The following GPR158 variants were observed in gnomAD, a reference collection of about 807,000 sequenced individuals.
GPR158 encodes the protein metabotropic glycine receptor.
In GPR158, 30 loss-of-function variants were observed where a neutral mutation model predicts 78.2. The ratio of observed to expected loss-of-function variants is 0.38; its 90% CI spans 0.29 to 0.52. The LOEUF (loss-of-function observed/expected upper bound fraction) is 0.52. GPR158 is among the 20% of genes least tolerant of loss of function. The pLI, the probability that GPR158 is intolerant of heterozygous loss-of-function variation, is 0.83. For synonymous variants in GPR158, 581 were observed against 591.1 expected (o/e 0.98, Z 0.25); for missense variants, 1,463 against 1,523.5 (o/e 0.96, Z 0.66).
At chr10:25,199,642 T>A (rs1852893152) in intron 1 of GPR158, among the ~76,000 whole-genome samples, 1 of 150,222 alleles carries the variant, frequency 6.7e-6, no homozygotes, top group African/African-American at 2.5e-5. Context: ...TAAGTTCTCA[T>A]GAGATCTGAT....
rs1554793351 is a variant in GPR158, at chr10:25,317,716, G to GTTTTGTTTTTTTT, written c.1009-78191_1009-78190insGTTTTTTTTTTTT. Reference sequence around the variant, plus strand: ...TTAAATTCTGTTTTCTTCGTAAAGTGTTTTTTTTTGTTTTGTTTTGTTTTG... The same window carrying GTTTTGTTTTTTTT: ...TTAAATTCTGTTTTCTTCGTAAAGTGTTTTGTTTTTTTTTTTTTTTTTGTTTTGTTTTGTTTTG... On this transcript the variant is annotated intron_variant, in intron 2 of 10. Coordinates refer to ENST00000376351, the MANE Select transcript of GPR158 (RefSeq NM_020752.3). 6.0e-4 allele frequency among the ~76,000 whole-genome samples: 80 copies of GTTTTGTTTTTTTT among 134,050 alleles called. 5 individuals carry two copies. The highest frequency in any genetic ancestry group is 1.8e-3 in the African/African-American group (55 of 31,226). 87.9% of individuals were successfully genotyped at this position (134,050 alleles called of 152,430 possible). A position where few individuals can be genotyped will look rare whatever the true frequency, so the allele number is the denominator to read the frequency against.
chr10:25,592,410 T>C (rs1837353386), intron 8 of GPR158, among the ~76,000 whole-genome samples: 1 of 151,976 alleles, frequency 6.6e-6, no homozygotes, highest in South Asian at 2.1e-4. Context: ...GCACAAGACT[T>C]TTAAGTGTGT....
chr10:25,283,399 A>G (rs187056900), intron 2 of GPR158, among the ~76,000 whole-genome samples: 29 of 152,162 alleles, frequency 1.9e-4, no homozygotes, highest in African/African-American at 6.7e-4. Context: ...CACACTAGAA[A>G]TTTATTAAAC....
Position 25,241,368 on chromosome 10 carries a change from TTTTC to T in GPR158, c.1008+20213_1008+20216del, listed in dbSNP as rs1435925554. ...CTTTTCTCTTTTCTTTTCTCTTTTC[TTTTC>T]TCTCTTCTCTTCTCTTCTCTTCTCT... On this transcript the variant is annotated intron_variant, in intron 2 of 10. Transcript: ENST00000376351. 9.4e-4 allele frequency among the ~76,000 whole-genome samples: 126 copies of T among 134,124 alleles called. 1 individual carries two copies. Among genetic ancestry groups the T allele is most frequent in the African/African-American group, 3.6e-3 (114 of 31,236 alleles). The allele number at this position is 134,124 out of a possible 152,430, so 88.0% of individuals were successfully genotyped here. A position where few individuals can be genotyped will look rare whatever the true frequency, so the allele number is the denominator to read the frequency against.
Position 25,596,779 on chromosome 10 carries a change from AG to A in GPR158, c.2137del (p.Asp713ThrfsTer6), listed in dbSNP as rs1303690085. The A allele has an allele frequency of 6.2e-7, 1 of 1,613,286 alleles. No homozygotes were observed. The highest frequency in any genetic ancestry group is 1.3e-5 in the African/African-American group (1 of 75,000). The part of the protein sequence containing the change: ...SAWSEHSLDP[E>X]DIRDELKKLY... ...TGGAGTGAGCACAGCTTGGATCCAG[AG>A]GACATTCGGGTAATGCCAGTACTCT... On this transcript the variant is annotated frameshift_variant, in exon 10 of 11. Coordinates refer to ENST00000376351, the MANE Select transcript of GPR158 (RefSeq NM_020752.3). LOFTEE classifies it low-confidence loss of function (END_TRUNC).
chr10:25,262,050 T>C (rs565225986), intron 2 of GPR158, among the ~76,000 whole-genome samples: 14 of 152,282 alleles, frequency 9.2e-5, no homozygotes, highest in African/African-American at 3.4e-4. Context: ...AGTTGTTACA[T>C]GTTCTGAAGC....
At chr10:25,325,447 ATGTC>A (rs1425588210) in intron 2 of GPR158, among the ~76,000 whole-genome samples, 1 of 137,642 alleles carries the variant, frequency 7.3e-6, no homozygotes, top group Non-Finnish European at 1.6e-5. Flanking sequence ...ATATATATGT[ATGTC>A]TAAGTATATA....
At chr10:25,530,646 A>G (rs757820835) in intron 5 of GPR158, among the ~76,000 whole-genome samples, 11 of 152,250 alleles carry the variant, frequency 7.2e-5, no homozygotes, top group Admixed American at 4.6e-4. Flanking sequence ...GCACGTATGC[A>G]GAGACAAATT....
chr10:25,592,969 CTT>C lies in GPR158; in HGVS notation c.1893-1320_1893-1319del, dbSNP rs1413226654. Among the ~76,000 whole-genome samples, 6 of 146,288 alleles carry C rather than the reference CTT, an allele frequency of 4.1e-5. No individual in the cohort carries two copies. In the South Asian group the frequency reaches 6.8e-4, roughly 16 times the overall value. On this transcript the variant is annotated intron_variant, in intron 8 of 10. Coordinates refer to ENST00000376351, the MANE Select transcript of GPR158 (RefSeq NM_020752.3). ...TGCGTCAAAAGTCTGTTTTCACAATCTTTTGTCAAAACTGGTTCAGTTTTGCA... is the reference window on the plus strand; with the variant it reads ...TGCGTCAAAAGTCTGTTTTCACAATCTTGTCAAAACTGGTTCAGTTTTGCA...
chr10:25,286,275 A>C (rs1208715706), intron 2 of GPR158, among the ~76,000 whole-genome samples: 3 of 143,546 alleles, frequency 2.1e-5, no homozygotes, highest in Admixed American at 2.1e-4. Context: ...CTTGCCTCCC[A>C]CTCTGTTTTT....
At position 25,197,634 on chromosome 10, in the gene GPR158, T is replaced by C. The variant is rs532255005; in HGVS notation, c.902+21312T>C. Among the ~76,000 whole-genome samples the C allele has an allele frequency of 2.0e-5, 3 of 152,344 alleles. No individual in the cohort carries two copies. In the East Asian group the frequency reaches 5.8e-4, roughly 29 times the overall value. ...ATCTCAAGGTATGAGACAGCCATTGTATATTTTAAGGCAGATTACAGTGTT... is the reference window on the plus strand; with the variant it reads ...ATCTCAAGGTATGAGACAGCCATTGCATATTTTAAGGCAGATTACAGTGTT... On this transcript the variant is annotated intron_variant, in intron 1 of 10. Transcript: ENST00000376351.
intron 2 of GPR158, among the ~76,000 whole-genome samples, chr10:25,283,655 G>T (rs1854307018): frequency 6.6e-6 from 1 of 151,560 alleles, no homozygotes; most frequent in Non-Finnish European, 1.5e-5. Flanking sequence ...CCTTACTTGG[G>T]ACTTAATTTC....
intron 6 of GPR158, among the ~76,000 whole-genome samples, chr10:25,560,717 TG>T (rs1836849436): frequency 6.6e-6 from 1 of 152,248 alleles, no homozygotes; most frequent in Non-Finnish European, 1.5e-5. Context: ...CAAAGAATTT[TG>T]TCATCTTTTT....
At chr10:25,576,986 AAGTC>A (rs1463398742) in intron 7 of GPR158, among the ~76,000 whole-genome samples, 1 of 150,792 alleles carries the variant, frequency 6.6e-6, no homozygotes, top group Non-Finnish European at 1.5e-5. Context: ...AAAAAAAAAA[AAGTC>A]AGGGCACATA....
chr10:25,422,652 A>G (rs1443212614), intron 4 of GPR158, among the ~76,000 whole-genome samples: 1 of 148,178 alleles, frequency 6.7e-6, no homozygotes, highest in East Asian at 2.0e-4. Flanking sequence ...TGTGACATAT[A>G]CTCTCCAATT....
At chr10:25,239,706 GC>G (rs1853577806) in intron 2 of GPR158, among the ~76,000 whole-genome samples, 1 of 151,850 alleles carries the variant, frequency 6.6e-6, no homozygotes, top group Admixed American at 6.6e-5. Flanking sequence ...AAAATTTAAA[GC>G]CCCTTTCTTT....
intron 2 of GPR158, among the ~76,000 whole-genome samples, chr10:25,339,494 T>C (rs563727565): frequency 6.6e-6 from 1 of 152,220 alleles, no homozygotes; most frequent in African/African-American, 2.4e-5. Flanking sequence ...ACACCTTCAG[T>C]TTGTTTTTCT....
In GPR158 at chr10:25,413,834, T is replaced by C. The variant is rs76614127; in HGVS notation, c.1335+1361T>C. On this transcript the variant is annotated intron_variant, in intron 4 of 10. Coordinates refer to ENST00000376351, the MANE Select transcript of GPR158 (RefSeq NM_020752.3). ...AATCCAGCACAAATTAAAATCAAGC[T>C]TTAAGTCAGCAAGTAAGTGCAGACA... is the stretch of plus-strand genomic sequence containing the variant. Among the ~76,000 whole-genome samples the C allele has an allele frequency of 1.1e-4, 16 of 152,300 alleles. No individual in the cohort carries two copies. In the East Asian group the frequency reaches 2.7e-3, roughly 26 times the overall value.
intron 2 of GPR158, among the ~76,000 whole-genome samples, chr10:25,380,980 C>G (rs1408782658): frequency 6.6e-6 from 1 of 152,058 alleles, no homozygotes; most frequent in African/African-American, 2.4e-5. Flanking sequence ...TTAACATTTG[C>G]ACAAAAGTTA....
Sources: allele counts gnomAD v4.1 joint callset (sites outside exome capture counted in the v4.1 genomes callset), GRCh38; gene constraint gnomAD v4.1.1; transcripts MANE v1.5; gene names NCBI Gene and HGNC (gene_info 2026-07-23, HGNC 2026-07-21).